XRRA1: variants seen among roughly 807,000 people sequenced by gnomAD.
XRRA1 encodes X-ray radiation resistance-associated protein 1.
In XRRA1, 69 loss-of-function variants were observed where a neutral mutation model predicts 80.2. The observed-to-expected ratio is 0.86, with a 90% CI of 0.71 to 1.05. The LOEUF (loss-of-function observed/expected upper bound fraction) is 1.05, where lower values mean the gene tolerates loss of function less well. Among genes scored for constraint, XRRA1 ranks in the 50% least tolerant of loss-of-function variants. The pLI is 0.00. For synonymous variants in XRRA1, 348 were observed against 389.9 expected, an observed-to-expected ratio of 0.89 and a Z score of 1.27; for missense variants, 967 against 976.4, an observed-to-expected ratio of 0.99 and a Z score of 0.13.
intron 10 of XRRA1, among the ~76,000 whole-genome samples, chr11:74,878,745 C>G (rs1348920484): frequency 1.0e-3 from 156 of 149,666 alleles, no homozygotes; most frequent in African/African-American, 3.7e-3. Flanking sequence ...GCTTGTTTTT[C>G]TCAGGTTTGT....
chr11:74,852,839 G>A (rs2040215748), intron 12 of XRRA1, among the ~76,000 whole-genome samples: 1 of 152,174 alleles, frequency 6.6e-6, no homozygotes, highest in African/African-American at 2.4e-5. Context: ...GATCGAAGGG[G>A]TCAGGAGTCA....
chr11:74,851,791 C>A (rs1431417473), intron 13 of XRRA1, among the ~76,000 whole-genome samples, 198 bp downstream of exon 13: 1 of 152,210 alleles, frequency 6.6e-6, no homozygotes, highest in Non-Finnish European at 1.5e-5. Flanking sequence ...TCCGTGGGGA[C>A]AATAATGCCT....
chr11:74,902,038 G>A (rs193013502), intron 10 of XRRA1, among the ~76,000 whole-genome samples: 1 of 152,290 alleles, frequency 6.6e-6, no homozygotes, highest in Admixed American at 6.5e-5. Context: ...TTAATAATCA[G>A]AATATATAAG....
chr11:74,942,450 T>C (rs1565460389), intron 2 of XRRA1, among the ~76,000 whole-genome samples: 1 of 152,028 alleles, frequency 6.6e-6, no homozygotes. Context: ...GAAGGTAAAA[T>C]TGCGAGATGG....
chr11:74,892,238 A>C (rs559531543), intron 10 of XRRA1, among the ~76,000 whole-genome samples: 60 of 152,316 alleles, frequency 3.9e-4, no homozygotes, highest in African/African-American at 1.4e-3. Context: ...CAGAGCCCTC[A>C]GAAATAACGC....
intron 12 of XRRA1, among the ~76,000 whole-genome samples, chr11:74,855,781 G>A (rs2040945127): frequency 6.6e-6 from 1 of 152,166 alleles, no homozygotes; most frequent in East Asian, 1.9e-4. Flanking sequence ...TTTGAAGTTT[G>A]TAACTTTAAT....
chr11:74,942,282 G>A (rs779493254), intron 2 of XRRA1, among the ~76,000 whole-genome samples: 5 of 152,146 alleles, frequency 3.3e-5, no homozygotes, highest in Non-Finnish European at 5.9e-5. Flanking sequence ...TAGGCCATGA[G>A]CAAGTAGGAG....
chr11:74,867,917 C>CTTTTT (rs60520990), intron 10 of XRRA1, among the ~76,000 whole-genome samples: 40,038 of 106,532 alleles, frequency 0.38, 9,863 homozygotes, highest in Non-Finnish European at 0.48. Context: ...TATAGTCAAT[C>CTTTTT]TTTTTTTTTT....
At chr11:74,875,731 TGTG>T (rs780845142) in intron 10 of XRRA1, among the ~76,000 whole-genome samples, 13 of 152,046 alleles carry the variant, frequency 8.6e-5, no homozygotes, top group Non-Finnish European at 1.8e-4. Context: ...ATTAACCAGA[TGTG>T]GTGGTGCACG....
chr11:74,900,309 G>A (rs894251297), intron 10 of XRRA1, among the ~76,000 whole-genome samples: 13 of 152,248 alleles, frequency 8.5e-5, no homozygotes, highest in East Asian at 3.9e-4. Flanking sequence ...TCGGCCAGGC[G>A]CAGTGGCTCA....
At position 74,886,746 on chromosome 11, in the gene XRRA1, C is replaced by A. The variant is rs563590955; in HGVS notation, c.1003+19493G>T. On this transcript the variant is annotated intron_variant, in intron 10 of 18. Transcript: ENST00000684022. Reference sequence around the variant, plus strand: ...ATTTATAAATAACCTTTAAAAAAAGCCTGAATAGCCAAGGAAGTCCTAAGC... The same window carrying A: ...ATTTATAAATAACCTTTAAAAAAAGACTGAATAGCCAAGGAAGTCCTAAGC... Among the ~76,000 whole-genome samples, 9 of 152,124 alleles carry A rather than the reference C, an allele frequency of 5.9e-5. No homozygotes were observed. The South Asian group carries it at 1.9e-3, about 32-fold the overall frequency.
chr11:74,900,808 A>T (rs1364577471), intron 10 of XRRA1, among the ~76,000 whole-genome samples: 2 of 152,234 alleles, frequency 1.3e-5, no homozygotes, highest in Admixed American at 1.3e-4. Context: ...CCACACCTCA[A>T]CATATTAAAA....
At chr11:74,893,476 C>G (rs754845830) in intron 10 of XRRA1, among the ~76,000 whole-genome samples, 25 of 151,852 alleles carry the variant, frequency 1.6e-4, no homozygotes, top group Non-Finnish European at 3.2e-4. Flanking sequence ...CTGGGTGCAG[C>G]ACACCAACAT....
chr11:74,891,581 G>A lies in XRRA1; in HGVS notation c.1003+14658C>T, dbSNP rs549173520. On this transcript the variant is annotated intron_variant, in intron 10 of 18. Coordinates refer to ENST00000684022, the MANE Select transcript of XRRA1 (RefSeq NM_001378157.1). ...CAATCAGGCAGGAGAAGGAAATAAA[G>A]GGTATTCAATCAAGAAAAGAGGAAG... Among the ~76,000 whole-genome samples the A allele has an allele frequency of 1.4e-4, 21 of 152,262 alleles. No individual in the cohort carries two copies. In the South Asian group the frequency reaches 4.4e-3, roughly 32 times the overall value.
rs2048405431 is a variant in XRRA1, at chr11:74,884,026, C to CCAT, written c.1004-21008_1004-21006dup. ...CAGCCTGGGCTAACATGGTGAAACC[C>CCAT]CATCTTTACTAAAAATACAAAAATT... On this transcript the variant is annotated intron_variant, in intron 10 of 18. Coordinates refer to ENST00000684022, the MANE Select transcript of XRRA1 (RefSeq NM_001378157.1). 2.0e-5 allele frequency among the ~76,000 whole-genome samples: 3 copies of CCAT among 152,050 alleles called. No homozygotes were observed. The South Asian group carries it at 6.2e-4, about 31-fold the overall frequency.
chr11:74,881,712 A>G (rs1402482444), intron 10 of XRRA1, among the ~76,000 whole-genome samples: 4 of 152,024 alleles, frequency 2.6e-5, no homozygotes, highest in African/African-American at 7.2e-5. Flanking sequence ...GGTGGTGACA[A>G]AATCTCTCAG....
At chr11:74,884,027 C>T (rs2048404771) in intron 10 of XRRA1, among the ~76,000 whole-genome samples, 1 of 151,974 alleles carries the variant, frequency 6.6e-6, no homozygotes, top group Non-Finnish European at 1.5e-5. Flanking sequence ...GGTGAAACCC[C>T]ATCTTTACTA....
chr11:74,917,343 T>G (rs1427757846), intron 8 of XRRA1, among the ~76,000 whole-genome samples: 1 of 152,190 alleles, frequency 6.6e-6, no homozygotes, highest in African/African-American at 2.4e-5. Flanking sequence ...AAGCTGTAAT[T>G]GACTGAAATT....
intron 10 of XRRA1, among the ~76,000 whole-genome samples, chr11:74,872,656 T>C (rs1340267557): frequency 6.6e-6 from 1 of 152,044 alleles, no homozygotes; most frequent in Non-Finnish European, 1.5e-5. Flanking sequence ...AGACTGCCCC[T>C]GGAGATGGAG....
Sources: gnomAD v4.1 joint callset for allele counts (sites outside exome capture counted in the v4.1 genomes callset) on GRCh38, gnomAD v4.1.1 for gene constraint, MANE v1.5 for transcripts, NCBI Gene and HGNC (gene_info 2026-07-23, HGNC 2026-07-21) for gene names.